BTK: variants seen among roughly 807,000 people sequenced by gnomAD.
BTK encodes Bruton tyrosine kinase.
A neutral mutation model predicts 57.4 loss-of-function variants in BTK; 5 were observed. The ratio of observed to expected loss-of-function variants is 0.09; its 90% CI spans 0.05 to 0.18. BTK has a LOEUF of 0.18. Ranked by LOEUF, BTK falls within the 10% of genes least tolerant of loss-of-function variation. The pLI, the probability that BTK is intolerant of heterozygous loss-of-function variation, is 1.00. For missense variants in BTK, 194 were observed against 501.2 expected (o/e 0.39, Z 5.85); for synonymous variants, 154 against 174.3 (o/e 0.88, Z 0.92).
At chrX:101,382,311 TTTTA>T (rs781942193) in intron 1 of BTK, among the ~76,000 whole-genome samples, 9 of 104,423 alleles carry the variant, frequency 8.6e-5, no homozygotes, top group African/African-American at 2.6e-4. Flanking sequence ...GCAGTTCATG[TTTTA>T]TTTATTTATT....
At position 101,349,578 on chromosome X, in the gene BTK, CAA is replaced by C; in HGVS notation, c.*305_*306del. ...CCCCAAGCTCTACCAAATGCCTACTCAAAGAGCTGTTGGACCCCTTTGTGCGG... is the reference window on the plus strand; with the variant it reads ...CCCCAAGCTCTACCAAATGCCTACTCAGAGCTGTTGGACCCCTTTGTGCGG... On this transcript the variant is annotated 3_prime_UTR_variant, in exon 19 of 19. Transcript: ENST00000308731. 2 of 279,789 alleles carry C rather than the reference CAA, an allele frequency of 7.1e-6. No homozygotes were observed. Among genetic ancestry groups the C allele is most frequent in the Middle Eastern group, 1.1e-3 (1 of 944 alleles). The allele number at this position is 279,789 out of a possible 1,213,427, so 23.1% of individuals were successfully genotyped here. A position where few individuals can be genotyped will look rare whatever the true frequency, so the allele number is the denominator to read the frequency against.
At chrX:101,368,668 CATT>C (rs1926934055) in intron 5 of BTK, among the ~76,000 whole-genome samples, 1 of 112,386 alleles carries the variant, frequency 8.9e-6, no homozygotes, top group Non-Finnish European at 1.9e-5. Flanking sequence ...TGTTAGTTAT[CATT>C]GTTGTTGTTT....
chrX:101,354,034 T>A, intron 16 of BTK, 46 bp from the exon 17 acceptor site: 5 of 994,136 alleles, frequency 5.0e-6, no homozygotes, highest in Non-Finnish European at 7.2e-6. Flanking sequence ...GGAGGCTTGA[T>A]ATTTGCTTAC....
rs700 is a variant in BTK, at chrX:101,349,769, T to G, written c.*116A>C. The G allele has an allele frequency of 0.42, 257,696 of 611,910 alleles. 40,549 individuals carry two copies. The highest frequency in any genetic ancestry group is 0.54 in the Middle Eastern group (1,708 of 3,158). The allele number at this position is 611,910 out of a possible 1,213,427, so 50.4% of individuals were successfully genotyped here. ...TTCCCAGATGTAGAGAGGGGCCTTT[T>G]TGTATTGAGTGGGAGCACAAAGGCT... is the stretch of plus-strand genomic sequence containing the variant. On this transcript the variant is annotated 3_prime_UTR_variant, in exon 19 of 19. Transcript: ENST00000308731.
intron 6 of BTK, 113 bp downstream of exon 6, chrX:101,362,448 G>T: frequency 1.3e-5 from 15 of 1,134,999 alleles, no homozygotes; most frequent in Non-Finnish European, 1.8e-5. Flanking sequence ...AGGACCCTTT[G>T]TTTAGCACCC....
intron 1 of BTK, among the ~76,000 whole-genome samples, chrX:101,383,514 C>T (rs782316487): frequency 5.3e-4 from 58 of 110,432 alleles, no homozygotes; most frequent in Non-Finnish European, 1.0e-3. Flanking sequence ...ATTTTTAAAA[C>T]TCTGGTTTTA....
At chrX:101,354,144 G>C in intron 16 of BTK, 156 bp from the exon 17 acceptor site, 1 of 484,914 alleles carries the variant, frequency 2.1e-6, no homozygotes, top group South Asian at 3.0e-5. Flanking sequence ...TACTTTTAAC[G>C]AATTTCCTGT....
chrX:101,376,928 G>A (rs1481115064), intron 1 of BTK, among the ~76,000 whole-genome samples: 1 of 111,407 alleles, frequency 9.0e-6, no homozygotes, highest in African/African-American at 3.3e-5. Context: ...GCTCTTTCCT[G>A]TGGTGTAGGA....
At chrX:101,365,923 C>A (rs908422019) in intron 5 of BTK, among the ~76,000 whole-genome samples, 2 of 112,250 alleles carry the variant, frequency 1.8e-5, no homozygotes, top group Non-Finnish European at 3.8e-5. Flanking sequence ...AGGAATACAA[C>A]CTTTGCATGG....
intron 15 of BTK, chrX:101,355,563 A>T: frequency 8.1e-6 from 1 of 123,068 alleles, no homozygotes; most frequent in Non-Finnish European, 1.7e-5. Context: ...TAGATTTTCA[A>T]GAGAAGCTGG....
intron 1 of BTK, among the ~76,000 whole-genome samples, chrX:101,380,126 A>G (rs1927362451): frequency 9.0e-6 from 1 of 111,126 alleles, no homozygotes; most frequent in South Asian, 3.7e-4. Context: ...TATTTTTTTG[A>G]GACAGGGTCT....
At chrX:101,379,521 G>A (rs192171241) in intron 1 of BTK, among the ~76,000 whole-genome samples, 12 of 112,241 alleles carry the variant, frequency 1.1e-4, no homozygotes, top group Non-Finnish European at 1.7e-4. Context: ...TGACACAGAG[G>A]TTATGTGACT....
intron 1 of BTK, among the ~76,000 whole-genome samples, chrX:101,376,796 G>A (rs1807410937): frequency 9.0e-6 from 1 of 111,010 alleles, no homozygotes; most frequent in African/African-American, 3.3e-5. Flanking sequence ...TGGTGGCACC[G>A]TGGAAGCAGA....
intron 5 of BTK, among the ~76,000 whole-genome samples, chrX:101,369,672 A>T: frequency 9.0e-6 from 1 of 111,526 alleles, no homozygotes; most frequent in Middle Eastern, 4.6e-3. Context: ...TTTATCTTTT[A>T]TTCATATGAT....
At chrX:101,378,528 G>GACACACACACACACAC (rs72139259) in intron 1 of BTK, among the ~76,000 whole-genome samples, 6 of 95,367 alleles carry the variant, frequency 6.3e-5, no homozygotes, top group Non-Finnish European at 1.3e-4. Flanking sequence ...CAAACATACA[G>GACACACACACACACAC]ACACACACAC....
chrX:101,369,851 T>TC (rs1926966421), intron 5 of BTK, 147 bp downstream of exon 5: 1 of 508,036 alleles, frequency 2.0e-6, no homozygotes, highest in Non-Finnish European at 3.2e-6. Context: ...TCCCCTTCTA[T>TC]CCATTTTTTT....
At chrX:101,356,005 C>T (rs1555977786) in intron 15 of BTK, 47 bp downstream of exon 15, 2 of 1,151,977 alleles carry the variant, frequency 1.7e-6, no homozygotes, top group East Asian at 6.0e-5. Flanking sequence ...ACTGCTACTT[C>T]CACCCCATCA....
intron 15 of BTK, 143 bp downstream of exon 15, chrX:101,355,909 A>G (rs1435662506): frequency 4.8e-6 from 3 of 629,134 alleles, no homozygotes; most frequent in Admixed American, 4.7e-5. Context: ...ACTGGGGCAG[A>G]GGCACGCCTA....
upstream of BTK, among the ~76,000 whole-genome samples, chrX:101,389,141 T>G (rs1927706355): frequency 9.0e-6 from 1 of 111,719 alleles, no homozygotes; most frequent in Non-Finnish European, 1.9e-5. Context: ...ATGGTAACTA[T>G]GGATGGTGAT....
Sources: allele counts gnomAD v4.1 joint callset (sites outside exome capture counted in the v4.1 genomes callset), GRCh38; gene constraint gnomAD v4.1.1; transcripts MANE v1.5; gene names NCBI Gene and HGNC (gene_info 2026-07-23, HGNC 2026-07-21).